RPA3: variants seen among roughly 807,000 people sequenced by gnomAD.
The protein encoded by RPA3 is replication protein A 14 kDa subunit.
In RPA3, 24 loss-of-function variants were observed where a neutral mutation model predicts 13.7. The ratio of observed to expected loss-of-function variants is 1.75; its 90% confidence interval spans 1.27 to 2.46. The LOEUF (loss-of-function observed/expected upper bound fraction) is 2.46, where lower values mean the gene tolerates loss of function less well. Ranked by LOEUF, RPA3 falls within the 30% of genes most tolerant of loss-of-function variation. RPA3 has a pLI of 0.00. For missense variants in RPA3, 183 were observed against 151.0 expected (o/e 1.21, Z -1.11); for synonymous variants, 59 against 51.2 (o/e 1.15, Z -0.65).
chr7:7,666,416 C>T (rs1272754742), intron 4 of RPA3, among the ~76,000 whole-genome samples: 1 of 152,090 alleles, frequency 6.6e-6, no homozygotes, highest in Non-Finnish European at 1.5e-5. Flanking sequence ...CCACGTTGCC[C>T]AGGCTGGTCA....
intron 4 of RPA3, chr7:7,675,984 T>A: frequency 2.5e-6 from 1 of 394,610 alleles, no homozygotes; most frequent in Non-Finnish European, 4.5e-6. Context: ...CATAGTCTTC[T>A]GTGGGTACCA....
rs1005623041 is a variant in RPA3, at chr7:7,685,962, G to T, written c.-890C>A. The T allele has an allele frequency of 3.9e-5, 6 of 152,144 alleles. No individual in the cohort carries two copies. The highest frequency in any genetic ancestry group is 1.4e-4 in the African/African-American group (6 of 41,430). 9.4% of individuals were successfully genotyped at this position (152,144 alleles called of 1,614,324 possible). A position where few individuals can be genotyped will look rare whatever the true frequency, so the allele number is the denominator to read the frequency against. On this transcript the variant is annotated 5_prime_UTR_variant, in exon 4 of 8. Coordinates refer to ENST00000223129, the MANE Select transcript of RPA3 (RefSeq NM_002947.5). ...TCTATCCCAGGTGCTCTCCTGCTTG[G>T]TTAGGGATGCTCCAGATTCCTGGGC... is the stretch of plus-strand genomic sequence containing the variant.
At chr7:7,718,008 C>G (rs1029891558) in intron 1 of RPA3, among the ~76,000 whole-genome samples, 3 of 152,152 alleles carry the variant, frequency 2.0e-5, no homozygotes, top group South Asian at 4.1e-4. Flanking sequence ...TTAGGGAAAT[C>G]TAGTTTTTAG....
rs1337681113 is a variant in RPA3 at position 7,642,440 on chromosome 7, T to C, written c.-757-1265A>G. 3.3e-5 allele frequency among the ~76,000 whole-genome samples: 5 copies of C among 149,456 alleles called. No homozygotes were observed. The Admixed American group carries it at 3.4e-4, about 10-fold the overall frequency. ...TCCCAAAGTACTGGAATTACAGGTGTGAGCCTTGGTGCGTACCCTGTAATA... is the reference window on the plus strand; with the variant it reads ...TCCCAAAGTACTGGAATTACAGGTGCGAGCCTTGGTGCGTACCCTGTAATA... On this transcript the variant is annotated intron_variant, in intron 4 of 7. Transcript: ENST00000223129.
At chr7:7,703,270 T>G (rs964581852) in intron 2 of RPA3, among the ~76,000 whole-genome samples, 6 of 152,198 alleles carry the variant, frequency 3.9e-5, no homozygotes, top group Non-Finnish European at 7.4e-5. Flanking sequence ...ATAAAAATAA[T>G]GTAGTTTCCT....
intron 4 of RPA3, among the ~76,000 whole-genome samples, chr7:7,671,658 C>T (rs1161505087): frequency 6.6e-6 from 1 of 152,074 alleles, no homozygotes; most frequent in Non-Finnish European, 1.5e-5. Context: ...GTGGGGGTTT[C>T]CCTTTATCTT....
intron 4 of RPA3, among the ~76,000 whole-genome samples, chr7:7,645,371 C>T (rs1299680900): frequency 1.3e-5 from 2 of 152,178 alleles, no homozygotes; most frequent in African/African-American, 2.4e-5. Flanking sequence ...CAACTTAGTA[C>T]TTATGTGGTA....
chr7:7,661,219 C>CT (rs1785466763), intron 4 of RPA3, among the ~76,000 whole-genome samples: 1 of 152,062 alleles, frequency 6.6e-6, no homozygotes, highest in Non-Finnish European at 1.5e-5. Context: ...TTCATCTAAC[C>CT]TTTTTTTCCA....
intron 2 of RPA3, among the ~76,000 whole-genome samples, chr7:7,712,946 G>A (rs1185639461): frequency 6.6e-6 from 1 of 152,118 alleles, no homozygotes; most frequent in African/African-American, 2.4e-5. Flanking sequence ...TGTTTCTTTA[G>A]TGGGTAGCTT....
chr7:7,673,570 G>A, intron 4 of RPA3: 1 of 623,320 alleles, frequency 1.6e-6, no homozygotes, highest in Non-Finnish European at 2.8e-6. Context: ...TAATTTATGT[G>A]TTTAATTTTT....
intron 4 of RPA3, among the ~76,000 whole-genome samples, chr7:7,651,532 A>G (rs376896721): frequency 1.3e-5 from 2 of 152,086 alleles, no homozygotes; most frequent in African/African-American, 4.8e-5. Flanking sequence ...CCCTATGGCC[A>G]TTGCTTTGGG....
intron 4 of RPA3, among the ~76,000 whole-genome samples, chr7:7,662,670 A>T (rs535108142): frequency 6.6e-6 from 1 of 152,170 alleles, no homozygotes; most frequent in South Asian, 2.1e-4. Flanking sequence ...TCCCAATGAG[A>T]TGAGCCGGGT....
intron 4 of RPA3, among the ~76,000 whole-genome samples, chr7:7,656,204 C>T (rs1314887995): frequency 6.6e-6 from 1 of 151,704 alleles, no homozygotes; most frequent in African/African-American, 2.4e-5. Context: ...ATTGTAAAAG[C>T]TGCGTGGTTC....
At chr7:7,654,121 T>C (rs916071940) in intron 4 of RPA3, among the ~76,000 whole-genome samples, 1 of 152,218 alleles carries the variant, frequency 6.6e-6, no homozygotes, top group Non-Finnish European at 1.5e-5. Flanking sequence ...CTGAAAACCA[T>C]AGGACCATAG....
intron 4 of RPA3, among the ~76,000 whole-genome samples, chr7:7,650,930 T>C (rs1445725626): frequency 6.6e-6 from 1 of 152,220 alleles, no homozygotes; most frequent in African/African-American, 2.4e-5. Flanking sequence ...TCTTGGTTAA[T>C]GTATAGTCAG....
At chr7:7,639,283 A>G (rs1243067913) in intron 5 of RPA3, 139 bp from the exon 6 acceptor site, 5 of 583,110 alleles carry the variant, frequency 8.6e-6, no homozygotes, top group Non-Finnish European at 1.2e-5. Context: ...AACTTATTGG[A>G]TCAAATTATA....
At chr7:7,710,407 A>G (rs527712799) in intron 2 of RPA3, among the ~76,000 whole-genome samples, 1 of 152,356 alleles carries the variant, frequency 6.6e-6, no homozygotes, top group Admixed American at 6.5e-5. Flanking sequence ...AAATGGGCAA[A>G]AGACATGAAG....
chr7:7,657,066 G>C (rs995888302), intron 4 of RPA3, among the ~76,000 whole-genome samples: 1 of 152,196 alleles, frequency 6.6e-6, no homozygotes, highest in African/African-American at 2.4e-5. Flanking sequence ...CTAATGACCA[G>C]TGATGATGAG....
chr7:7,644,660 A>C (rs1785056103), intron 4 of RPA3, among the ~76,000 whole-genome samples: 1 of 152,012 alleles, frequency 6.6e-6, no homozygotes, highest in Admixed American at 6.5e-5. Flanking sequence ...TTGTCACCTT[A>C]AGTTTACAGA....
Sources: gnomAD v4.1 joint callset for allele counts (sites outside exome capture counted in the v4.1 genomes callset) on GRCh38, gnomAD v4.1.1 for gene constraint, MANE v1.5 for transcripts, NCBI Gene and HGNC (gene_info 2026-07-23, HGNC 2026-07-21) for gene names.